PIEZO1: variants seen among roughly 807,000 people sequenced by gnomAD.
The protein encoded by PIEZO1 is piezo type mechanosensitive ion channel component 1 (Er blood group).
PIEZO1 carries 296 observed loss-of-function variants against 297.2 expected under a neutral mutation model. That is an observed-to-expected ratio of 1.00 (90% CI 0.91 to 1.10). The LOEUF (loss-of-function observed/expected upper bound fraction) is 1.10. Ranked by LOEUF, PIEZO1 falls within the 50% of genes least tolerant of loss-of-function variation. PIEZO1 has a pLI of 0.00. For missense variants in PIEZO1, 5,018 were observed against 3,455.5 expected, an observed-to-expected ratio of 1.45 and a Z score of -11.34; for synonymous variants, 2,427 against 1,507.5, an observed-to-expected ratio of 1.61 and a Z score of -14.13.
In PIEZO1 at chr16:88,727,210, C is replaced by A; in HGVS notation, c.3302-18G>T. 1 of 1,519,620 alleles carries A rather than the reference C, an allele frequency of 6.6e-7. No individual in the cohort carries two copies. Among genetic ancestry groups the A allele is most frequent in the Non-Finnish European group, 8.8e-7 (1 of 1,130,372 alleles). The allele number at this position is 1,519,620 out of a possible 1,614,324, so 94.1% of individuals were successfully genotyped here. On this transcript the variant is annotated intron_variant, in intron 23 of 50. Coordinates refer to ENST00000301015, the MANE Select transcript of PIEZO1 (RefSeq NM_001142864.4). The stretch of plus-strand genomic sequence containing the variant: ...AAAGTCGCCTGCAGGACACAGGAGC[C>A]GCCGCTGTGCCACACGGGGACCCAC...
rs748761798 is a variant in PIEZO1 at position 88,775,644 on chromosome 16, G to A, written c.64+9257C>T. ...CTTGGGAGGCTAAGGCAGGAGAATC[G>A]GTTGAACCAGGGAGGCGGAGGGTGC... is the stretch of plus-strand genomic sequence containing the variant. On this transcript the variant is annotated intron_variant, in intron 1 of 50. Coordinates refer to ENST00000301015, the MANE Select transcript of PIEZO1 (RefSeq NM_001142864.4). 3.3e-5 allele frequency among the ~76,000 whole-genome samples: 5 copies of A among 150,398 alleles called. No homozygotes were observed. The South Asian group carries it at 1.1e-3, about 32-fold the overall frequency.
At chr16:88,720,308 G>A (rs746531393) in intron 41 of PIEZO1, 25 bp from the exon 42 acceptor site, 157 of 1,549,942 alleles carry the variant, frequency 1.0e-4, no homozygotes, top group Middle Eastern at 1.7e-4. Context: ...GCACAGGTCA[G>A]GGGGAGCCAA....
At chr16:88,749,049 A>C (rs545446285) in intron 2 of PIEZO1, among the ~76,000 whole-genome samples, 11 of 151,540 alleles carry the variant, frequency 7.3e-5, no homozygotes, top group Admixed American at 2.0e-4. Flanking sequence ...CATCCTGGCT[A>C]TCACGGTGAA....
At chr16:88,764,197 G>T (rs66510357) in intron 1 of PIEZO1, among the ~76,000 whole-genome samples, 7 of 151,426 alleles carry the variant, frequency 4.6e-5, no homozygotes, top group South Asian at 2.1e-4. Context: ...GGGTACGAAA[G>T]GGGATGTGCC....
At chr16:88,734,292 G>T in intron 16 of PIEZO1, 64 bp downstream of exon 16, 1 of 1,394,280 alleles carries the variant, frequency 7.2e-7, no homozygotes, top group South Asian at 1.5e-5. Flanking sequence ...ACTCCCACCT[G>T]GCTCCCTCCC....
chr16:88,753,796 G>C (rs1025952104), intron 1 of PIEZO1, among the ~76,000 whole-genome samples: 1 of 152,252 alleles, frequency 6.6e-6, no homozygotes, highest in African/African-American at 2.4e-5. Flanking sequence ...GGAGACTTCA[G>C]AGCAGGCTGC....
chr16:88,725,818 G>A, intron 27 of PIEZO1, 134 bp from the exon 28 acceptor site: 3 of 629,970 alleles, frequency 4.8e-6, no homozygotes, highest in Non-Finnish European at 8.7e-6. Context: ...GGCACCCACG[G>A]GGGAGGCATC....
chr16:88,734,065 G>A lies in PIEZO1; in HGVS notation c.2181-11C>T, dbSNP rs923644790. The A allele has an allele frequency of 1.9e-5, 29 of 1,493,228 alleles. No individual in the cohort carries two copies. The highest frequency in any genetic ancestry group is 6.9e-5 in the Admixed American group (3 of 43,690). 92.5% of individuals were successfully genotyped at this position (1,493,228 alleles called of 1,614,324 possible). A position where few individuals can be genotyped will look rare whatever the true frequency, so the allele number is the denominator to read the frequency against. ...CTCACTGCATCCTGCCTGGGAGAGG[G>A]TCCGAAAATGTCATCTCCCAACTGG... On this transcript the variant is annotated splice_polypyrimidine_tract_variant and intron_variant, in intron 16 of 50. Transcript: ENST00000301015.
intron 2 of PIEZO1, among the ~76,000 whole-genome samples, chr16:88,749,102 T>A (rs555520028): frequency 6.6e-6 from 1 of 151,002 alleles, no homozygotes; most frequent in Non-Finnish European, 1.5e-5. Context: ...AAGCCAGGCG[T>A]GGTGGCGGGC....
chr16:88,742,216 C>T (rs1905725621), intron 3 of PIEZO1, 84 bp downstream of exon 3: 1 of 1,497,174 alleles, frequency 6.7e-7, no homozygotes, highest in Non-Finnish European at 8.9e-7. Flanking sequence ...TGAGTCAACC[C>T]CCCCAGGAGA....
rs749384932 is a variant in PIEZO1 at position 88,720,761 on chromosome 16, G to A, written c.5669-13C>T. ...CTGTCCTCAGCTTCTGTAGGGAAAA[G>A]CTGACTTCTGCCTGGGCCCCCTGGG... is the stretch of plus-strand genomic sequence containing the variant. On this transcript the variant is annotated splice_polypyrimidine_tract_variant and intron_variant, in intron 39 of 50. Coordinates refer to ENST00000301015, the MANE Select transcript of PIEZO1 (RefSeq NM_001142864.4). The A allele has an allele frequency of 3.4e-6, 5 of 1,470,980 alleles. No homozygotes were observed. In the African/African-American group the frequency reaches 7.1e-5, roughly 21 times the overall value. 91.1% of individuals were successfully genotyped at this position (1,470,980 alleles called of 1,614,324 possible).
chr16:88,733,208 C>T, intron 19 of PIEZO1, 70 bp downstream of exon 19: 2 of 1,406,004 alleles, frequency 1.4e-6, no homozygotes, highest in Non-Finnish European at 9.7e-7. Context: ...GCAGCTGCCC[C>T]AGGAGGGTCG....
At chr16:88,754,762 G>A (rs938793436) in intron 1 of PIEZO1, among the ~76,000 whole-genome samples, 2 of 152,236 alleles carry the variant, frequency 1.3e-5, no homozygotes, top group Admixed American at 1.3e-4. Flanking sequence ...GGGGCCCGCA[G>A]GCCAGCGCTG....
chr16:88,720,033 C>G (rs1912316413), intron 42 of PIEZO1, 36 bp downstream of exon 42: 15 of 1,549,518 alleles, frequency 9.7e-6, no homozygotes, highest in Non-Finnish European at 1.3e-5. Flanking sequence ...CACTGCCCCG[C>G]CCCTGGAGAC....
chr16:88,738,869 C>G (rs1226639378), intron 5 of PIEZO1, 133 bp from the exon 6 acceptor site: 1 of 778,434 alleles, frequency 1.3e-6, no homozygotes, highest in Non-Finnish European at 2.0e-6. Flanking sequence ...ACAGGACAGC[C>G]TCCCCGGGCA....
In PIEZO1 at chr16:88,737,019, C is replaced by T. The variant is rs1905265711; in HGVS notation, c.1196-280G>A. On this transcript the variant is annotated intron_variant, in intron 10 of 50. Coordinates refer to ENST00000301015, the MANE Select transcript of PIEZO1 (RefSeq NM_001142864.4). Reference sequence around the variant, plus strand: ...TTCCAGCTCTGCGCACCTGAAGACTCTCAGGACCCCCACCCCAGGGCCGTG... The same window carrying T: ...TTCCAGCTCTGCGCACCTGAAGACTTTCAGGACCCCCACCCCAGGGCCGTG... 3 of 346,434 alleles carry T rather than the reference C, an allele frequency of 8.7e-6. No individual in the cohort carries two copies. In the South Asian group the frequency reaches 1.6e-4, roughly 18 times the overall value. 21.5% of individuals were successfully genotyped at this position (346,434 alleles called of 1,614,324 possible).
At chr16:88,742,460 C>G (rs745577351) in intron 2 of PIEZO1, 38 bp from the exon 3 acceptor site, 2 of 1,528,382 alleles carry the variant, frequency 1.3e-6, no homozygotes, top group Middle Eastern at 2.2e-4. Flanking sequence ...GTCCCGGGGA[C>G]GGGGAGGGGC....
At chr16:88,721,782 C>T (rs1268307731) in intron 37 of PIEZO1, 26 bp downstream of exon 37, 1 of 1,536,850 alleles carries the variant, frequency 6.5e-7, no homozygotes, top group Admixed American at 2.0e-5. Flanking sequence ...GGGCCGGGCG[C>T]CCCCTCCCCC....
At chr16:88,735,444 CAT>C in intron 12 of PIEZO1, among the ~76,000 whole-genome samples, 198 bp from the exon 13 acceptor site, 1 of 152,276 alleles carries the variant, frequency 6.6e-6, no homozygotes, top group Non-Finnish European at 1.5e-5. Flanking sequence ...CACACTCTCA[CAT>C]CCATGGATGA....
Sources: allele counts gnomAD v4.1 joint callset (sites outside exome capture counted in the v4.1 genomes callset), GRCh38; gene constraint gnomAD v4.1.1; transcripts MANE v1.5; gene names NCBI Gene and HGNC (gene_info 2026-07-23, HGNC 2026-07-21).